The following ATXN1 variants were observed in gnomAD, a reference collection of about 807,000 sequenced individuals.
ATXN1 encodes ataxin 1.
ATXN1 carries 8 observed loss-of-function variants against 56.4 expected under a neutral mutation model. The ratio of observed to expected loss-of-function variants is 0.14; its 90% CI spans 0.08 to 0.26. The LOEUF (loss-of-function observed/expected upper bound fraction) is 0.26. ATXN1 is among the 10% of genes least tolerant of loss of function. ATXN1 has a pLI of 1.00. For missense variants in ATXN1, 987 were observed against 1,106.5 expected (o/e 0.89, Z 1.53); for synonymous variants, 514 against 494.6 (o/e 1.04, Z -0.52).
intron 6 of ATXN1, among the ~76,000 whole-genome samples, chr6:16,476,868 T>G (rs1760335518): frequency 6.6e-6 from 1 of 152,238 alleles, no homozygotes. Flanking sequence ...CTGTTGAGTA[T>G]ACAAAACGTG....
At chr6:16,557,586 A>T (rs1762038439) in intron 4 of ATXN1, among the ~76,000 whole-genome samples, 1 of 152,214 alleles carries the variant, frequency 6.6e-6, no homozygotes, top group Admixed American at 6.5e-5. Context: ...AGAAATAAGA[A>T]AAGAATACCA....
chr6:16,335,457 C>T (rs571535905), intron 6 of ATXN1, among the ~76,000 whole-genome samples: 73 of 152,162 alleles, frequency 4.8e-4, no homozygotes, highest in South Asian at 4.1e-3. Flanking sequence ...TTGCTCTTCA[C>T]GGAAGTGTAG....
chr6:16,631,298 G>T (rs1321497722), intron 3 of ATXN1, among the ~76,000 whole-genome samples: 3 of 152,168 alleles, frequency 2.0e-5, no homozygotes, highest in African/African-American at 7.2e-5. Context: ...GTGGCTTCAT[G>T]AATATAATGT....
intron 3 of ATXN1, among the ~76,000 whole-genome samples, chr6:16,620,876 T>C (rs1483477214): frequency 6.6e-6 from 1 of 152,162 alleles, no homozygotes; most frequent in Non-Finnish European, 1.5e-5. Flanking sequence ...CTCTCCTCTA[T>C]AAGCAAAGGA....
At chr6:16,624,353 A>AG (rs371065430) in intron 3 of ATXN1, among the ~76,000 whole-genome samples, 11,192 of 115,796 alleles carry the variant, frequency 0.097, 498 homozygotes, top group Non-Finnish European at 0.13. Context: ...CTTTGTCTCA[A>AG]GAAAAAAAAA....
chr6:16,711,104 C>T (rs904624674), intron 2 of ATXN1, among the ~76,000 whole-genome samples: 1 of 152,156 alleles, frequency 6.6e-6, no homozygotes, highest in Non-Finnish European at 1.5e-5. Context: ...GACTGCAGAT[C>T]AGTGGAACAG....
chr6:16,703,234 A>G (rs12210729), intron 2 of ATXN1, among the ~76,000 whole-genome samples: 20,741 of 151,990 alleles, frequency 0.14, 1,728 homozygotes, highest in African/African-American at 0.23. Flanking sequence ...CGCAAGGACA[A>G]AAAACCAAAC....
intron 2 of ATXN1, among the ~76,000 whole-genome samples, chr6:16,662,585 C>T (rs924850576): frequency 6.6e-6 from 1 of 152,340 alleles, no homozygotes; most frequent in East Asian, 1.9e-4. Flanking sequence ...CTGCTGGTCT[C>T]GGCCTCCCAA....
intron 6 of ATXN1, among the ~76,000 whole-genome samples, chr6:16,383,038 G>A (rs775385701): frequency 4.0e-5 from 6 of 151,764 alleles, no homozygotes; most frequent in South Asian, 2.1e-4. Context: ...CTCCCATCTC[G>A]CCCTCCTCTC....
intron 2 of ATXN1, among the ~76,000 whole-genome samples, chr6:16,669,278 G>A (rs745697624): frequency 5.9e-5 from 9 of 152,126 alleles, no homozygotes; most frequent in Non-Finnish European, 1.3e-4. Context: ...CTTGAATGGT[G>A]CATTTCCATT....
At chr6:16,493,505 A>C (rs916587560) in intron 5 of ATXN1, among the ~76,000 whole-genome samples, 6 of 150,526 alleles carry the variant, frequency 4.0e-5, no homozygotes, top group South Asian at 2.1e-4. Context: ...ATGGTTTTAA[A>C]ATTCATTTTC....
chr6:16,396,272 C>CT (rs111829323), intron 6 of ATXN1, among the ~76,000 whole-genome samples: 6,489 of 151,140 alleles, frequency 0.043, 467 homozygotes, highest in African/African-American at 0.15. Context: ...AAAAAAAAAA[C>CT]TTTTTTTAAT....
chr6:16,694,270 A>ATTTT, intron 2 of ATXN1, among the ~76,000 whole-genome samples: 1 of 141,316 alleles, frequency 7.1e-6, no homozygotes, highest in African/African-American at 2.6e-5. Context: ...TTTTTTTTTA[A>ATTTT]GAGACGGAGT....
chr6:16,463,292 C>A (rs1280362829), intron 6 of ATXN1, among the ~76,000 whole-genome samples: 5 of 152,194 alleles, frequency 3.3e-5, no homozygotes, highest in Non-Finnish European at 7.3e-5. Flanking sequence ...TGGACAGGCA[C>A]CTGTACCTTA....
At chr6:16,724,083 T>C (rs572480123) in intron 2 of ATXN1, among the ~76,000 whole-genome samples, 211 of 152,316 alleles carry the variant, frequency 1.4e-3, no homozygotes, top group African/African-American at 4.9e-3. Flanking sequence ...TGCCTCAGAC[T>C]GGAAGTTCAG....
At chr6:16,754,254 T>C (rs1363959568) in intron 1 of ATXN1, among the ~76,000 whole-genome samples, 2 of 152,196 alleles carry the variant, frequency 1.3e-5, no homozygotes, top group Admixed American at 6.5e-5. Context: ...TATAAAATCA[T>C]CCCCAAACTA....
chr6:16,466,478 T>C lies in ATXN1; in HGVS notation c.-161+19494A>G, dbSNP rs573750733. On this transcript the variant is annotated intron_variant, in intron 6 of 7. Coordinates refer to ENST00000436367, the MANE Select transcript of ATXN1 (RefSeq NM_001128164.2). ...CGCAAGAGGGCAGTACAATTGATAT[T>C]GGCAGAAAAGAGAAAAGGGGGCATA... Among the ~76,000 whole-genome samples the C allele has an allele frequency of 2.6e-5, 4 of 152,208 alleles. No individual in the cohort carries two copies. In the East Asian group the frequency reaches 5.8e-4, roughly 22 times the overall value.
At chr6:16,441,701 G>A (rs1759520501) in intron 6 of ATXN1, among the ~76,000 whole-genome samples, 1 of 151,782 alleles carries the variant, frequency 6.6e-6, no homozygotes, top group Admixed American at 6.6e-5. Context: ...AGAATTTGAA[G>A]AAAACGAAAA....
At chr6:16,412,624 C>A (rs1289948830) in intron 6 of ATXN1, among the ~76,000 whole-genome samples, 1 of 152,226 alleles carries the variant, frequency 6.6e-6, no homozygotes, top group East Asian at 1.9e-4. Flanking sequence ...ATGTCGCAAA[C>A]TTCAGTGCCG....
Sources: allele counts gnomAD v4.1 joint callset (sites outside exome capture counted in the v4.1 genomes callset), GRCh38; gene constraint gnomAD v4.1.1; transcripts MANE v1.5; gene names NCBI Gene and HGNC (gene_info 2026-07-23, HGNC 2026-07-21).